Variants in CPAP observed in about 807,000 individuals in gnomAD.
The protein encoded by CPAP is centrosomal P4.1-associated protein.
the CPAP span, among the ~76,000 whole-genome samples, chr13:24,884,945 A>G: frequency 6.6e-6 from 1 of 152,332 alleles, no homozygotes; most frequent in African/African-American, 2.4e-5. Flanking sequence ...TTTTCCCACT[A>G]AGAAACTTTC....
chr13:24,891,071 T>C, the CPAP span, among the ~76,000 whole-genome samples: 2 of 151,870 alleles, frequency 1.3e-5, no homozygotes, highest in Non-Finnish European at 2.9e-5. Context: ...GGCTTTCCTC[T>C]TCAACACTCC....
chr13:24,933,443 G>A, the CPAP span: 1 of 231,576 alleles, frequency 4.3e-6, no homozygotes, highest in South Asian at 8.9e-5. Flanking sequence ...ATTCTTGAAG[G>A]AAAAAAGTCA....
At chr13:24,890,570 T>C in the CPAP span, among the ~76,000 whole-genome samples, 58 of 152,340 alleles carry the variant, frequency 3.8e-4, no homozygotes, top group Admixed American at 1.2e-3. Flanking sequence ...TTGGTGGCAT[T>C]CACTTGGATG....
chr13:24,908,516 A>G, the CPAP span, among the ~76,000 whole-genome samples: 6 of 150,740 alleles, frequency 4.0e-5, no homozygotes, highest in Non-Finnish European at 4.4e-5. Flanking sequence ...TGGGAGGCTG[A>G]GAGCAAGCAG....
the CPAP span, among the ~76,000 whole-genome samples, chr13:24,891,994 C>T: frequency 2.0e-5 from 3 of 152,210 alleles, no homozygotes; most frequent in Non-Finnish European, 2.9e-5. Context: ...GACGCCACTC[C>T]ACAGCCCTGC....
At chr13:24,921,890 A>C in the CPAP span, among the ~76,000 whole-genome samples, 4 of 152,164 alleles carry the variant, frequency 2.6e-5, no homozygotes, top group Non-Finnish European at 5.9e-5. Flanking sequence ...AAATATATTT[A>C]ATGTCAGCAT....
chr13:24,904,796 C>T, the CPAP span, among the ~76,000 whole-genome samples: 3 of 152,184 alleles, frequency 2.0e-5, no homozygotes, highest in East Asian at 5.8e-4. Flanking sequence ...TTTTAAAGCA[C>T]CTATGCTCTG....
chr13:24,900,892 G>A, the CPAP span, among the ~76,000 whole-genome samples: 1 of 152,182 alleles, frequency 6.6e-6, no homozygotes, highest in East Asian at 1.9e-4. Flanking sequence ...CTGGGCAAAT[G>A]GAAGAGCAGA....
chr13:24,883,254 G>A, the CPAP span: 1 of 1,613,986 alleles, frequency 6.2e-7, no homozygotes, highest in Non-Finnish European at 8.5e-7. Context: ...TTCGTTTCTT[G>A]ATGACCGTTT....
At chr13:24,884,399 ACTTCCTTTCGAGTTCC>A in the CPAP span, 2 of 1,614,088 alleles carry the variant, frequency 1.2e-6, no homozygotes, top group South Asian at 2.2e-5. Context: ...ATCTGCACTC[ACTTCCTTTCGAGTTCC>A]ATTGGGAAAC....
the CPAP span, among the ~76,000 whole-genome samples, chr13:24,910,606 A>C: frequency 6.6e-6 from 1 of 152,306 alleles, no homozygotes; most frequent in South Asian, 2.1e-4. Context: ...AATATTTAAG[A>C]ATCCTAAGGG....
At chr13:24,931,355 T>C in the CPAP span, among the ~76,000 whole-genome samples, 1 of 146,562 alleles carries the variant, frequency 6.8e-6, no homozygotes, top group African/African-American at 2.5e-5. Context: ...AGATTGGACA[T>C]TTTGAGCATT....
At chr13:24,886,507 G>C in the CPAP span, 1 of 497,116 alleles carries the variant, frequency 2.0e-6, no homozygotes, top group African/African-American at 2.0e-5. Flanking sequence ...AATAACATCA[G>C]AGGGATCAGT....
chr13:24,918,223 G>A, the CPAP span, among the ~76,000 whole-genome samples: 1 of 152,146 alleles, frequency 6.6e-6, no homozygotes, highest in African/African-American at 2.4e-5. Context: ...AGACTGGAAG[G>A]AGGCACCTCA....
At chr13:24,888,172 C>G in the CPAP span, among the ~76,000 whole-genome samples, 151 of 151,764 alleles carry the variant, frequency 9.9e-4, no homozygotes, top group Middle Eastern at 6.8e-3. Context: ...TACTTGTGGC[C>G]TGAGGATTGA....
the CPAP span, among the ~76,000 whole-genome samples, chr13:24,917,854 C>T: frequency 6.6e-6 from 1 of 152,148 alleles, no homozygotes; most frequent in Non-Finnish European, 1.5e-5. Context: ...GGCAAAACAG[C>T]CTGTGAGAGA....
chr13:24,883,846 G>T, the CPAP span: 1 of 1,110,956 alleles, frequency 9.0e-7, no homozygotes, highest in South Asian at 1.3e-5. Flanking sequence ...CATTCAAACT[G>T]AACCCCCTAA....
At chr13:24,916,079 G>A in the CPAP span, among the ~76,000 whole-genome samples, 3 of 152,154 alleles carry the variant, frequency 2.0e-5, no homozygotes, top group Non-Finnish European at 4.4e-5. Flanking sequence ...GCTAACACCA[G>A]GAGTTCTGTT....
the CPAP span, chr13:24,892,680 T>C: frequency 6.2e-7 from 1 of 1,614,150 alleles, no homozygotes; most frequent in Non-Finnish European, 8.5e-7. Context: ...GAGGCTGCTC[T>C]CTATGGCTTC....
Sources: gnomAD v4.1 joint callset for allele counts (sites outside exome capture counted in the v4.1 genomes callset) on GRCh38, gnomAD v4.1.1 for gene constraint, MANE v1.5 for transcripts, NCBI Gene and HGNC (gene_info 2026-07-23, HGNC 2026-07-21) for gene names.